The following ABCC4 variants were observed in gnomAD, a reference collection of about 807,000 sequenced individuals.
ABCC4 encodes the protein ATP binding cassette subfamily C member 4 (PEL blood group).
In ABCC4, 102 loss-of-function variants were observed where a neutral mutation model predicts 168.5. That is an observed-to-expected ratio of 0.61 (90% CI 0.52 to 0.71). The LOEUF is 0.71. Ranked by LOEUF, ABCC4 falls within the 30% of genes least tolerant of loss-of-function variation. The pLI, the probability that ABCC4 is intolerant of heterozygous loss-of-function variation, is 0.00. For missense variants in ABCC4, 1,402 were observed against 1,605.8 expected, an observed-to-expected ratio of 0.87 and a Z score of 2.17; for synonymous variants, 617 against 590.7, an observed-to-expected ratio of 1.04 and a Z score of -0.65.
At chr13:95,250,301 A>G (rs2040220534) in intron 1 of ABCC4, among the ~76,000 whole-genome samples, 1 of 151,930 alleles carries the variant, frequency 6.6e-6, no homozygotes, top group Non-Finnish European at 1.5e-5. Flanking sequence ...TCTCCCCCTT[A>G]TCTCCCACAA....
At chr13:95,294,043 C>T (rs983299612) in intron 1 of ABCC4, among the ~76,000 whole-genome samples, 4 of 152,020 alleles carry the variant, frequency 2.6e-5, no homozygotes, top group Admixed American at 6.6e-5. Context: ...GCCACTGTAT[C>T]GTGCAAATAA....
chr13:95,121,110 G>C (rs574274510), intron 19 of ABCC4, among the ~76,000 whole-genome samples: 1 of 152,294 alleles, frequency 6.6e-6, no homozygotes, highest in East Asian at 1.9e-4. Context: ...AAATGAGGCA[G>C]GGACAAGACA....
intron 1 of ABCC4, among the ~76,000 whole-genome samples, chr13:95,281,900 A>G (rs1380423603): frequency 6.6e-6 from 1 of 152,174 alleles, no homozygotes; most frequent in Non-Finnish European, 1.5e-5. Context: ...TGAGGTTAGG[A>G]GTTCGAGACC....
At chr13:95,044,214 A>G in intron 28 of ABCC4, 52 bp downstream of exon 28, 1 of 1,483,128 alleles carries the variant, frequency 6.7e-7, no homozygotes, top group Non-Finnish European at 9.1e-7. Flanking sequence ...CATGTTTCCC[A>G]TTTACACACT....
At chr13:95,129,786 G>C (rs1309127052) in intron 19 of ABCC4, among the ~76,000 whole-genome samples, 1 of 152,022 alleles carries the variant, frequency 6.6e-6, no homozygotes, top group African/African-American at 2.4e-5. Context: ...AATCTTAACA[G>C]AAAACAGGCC....
chr13:95,069,224 G>A (rs1184350704), intron 25 of ABCC4, among the ~76,000 whole-genome samples: 1 of 152,108 alleles, frequency 6.6e-6, no homozygotes, highest in African/African-American at 2.4e-5. Flanking sequence ...TTTTGTTACC[G>A]ATTTCTTTGT....
chr13:95,184,032 G>T (rs532889944), intron 11 of ABCC4, among the ~76,000 whole-genome samples: 1 of 152,340 alleles, frequency 6.6e-6, no homozygotes, highest in East Asian at 1.9e-4. Flanking sequence ...TGCACAGGGG[G>T]CCAGCAGTCC....
chr13:95,250,753 GTTTCTTT>G (rs2040232064), intron 1 of ABCC4, among the ~76,000 whole-genome samples: 3 of 114,238 alleles, frequency 2.6e-5, no homozygotes, highest in Non-Finnish European at 5.1e-5. Flanking sequence ...CTGAATACTG[GTTTCTTT>G]TTTTTTTTTT....
At position 95,186,696 on chromosome 13, in the gene ABCC4, C is replaced by T. The variant is rs1199449581; in HGVS notation, c.1545+5G>A. 1 of 1,610,442 alleles carries T rather than the reference C, an allele frequency of 6.2e-7. No individual in the cohort carries two copies. Among genetic ancestry groups the T allele is most frequent in the Non-Finnish European group, 8.5e-7 (1 of 1,177,732 alleles). On this transcript the variant is annotated splice_donor_5th_base_variant and intron_variant, in intron 11 of 30. Coordinates refer to ENST00000645237, the MANE Select transcript of ABCC4 (RefSeq NM_005845.5). Reference sequence around the variant, plus strand: ...AGTACATGAAATCCAAAAGTCATCACTCACCTTTTTCAGAGCACAAGCCTT... The same window carrying T: ...AGTACATGAAATCCAAAAGTCATCATTCACCTTTTTCAGAGCACAAGCCTT...
intron 8 of ABCC4, among the ~76,000 whole-genome samples, chr13:95,199,249 T>C (rs977305417): frequency 3.9e-5 from 6 of 152,342 alleles, no homozygotes; most frequent in African/African-American, 1.4e-4. Flanking sequence ...CCGATCAGTA[T>C]ATTGGGCAGA....
chr13:95,252,979 G>A (rs1360374538), intron 1 of ABCC4, among the ~76,000 whole-genome samples: 2 of 152,210 alleles, frequency 1.3e-5, no homozygotes, highest in Non-Finnish European at 2.9e-5. Flanking sequence ...AGTATCTGCT[G>A]TCTGGTGACC....
At chr13:95,109,090 G>A (rs1307815203) in intron 20 of ABCC4, among the ~76,000 whole-genome samples, 1 of 152,082 alleles carries the variant, frequency 6.6e-6, no homozygotes, top group African/African-American at 2.4e-5. Flanking sequence ...CTGATACCCA[G>A]TTAACTGCTC....
chr13:95,255,467 C>A (rs1040482374), intron 1 of ABCC4, among the ~76,000 whole-genome samples: 11 of 152,324 alleles, frequency 7.2e-5, no homozygotes, highest in African/African-American at 2.6e-4. Flanking sequence ...TCACCAGACA[C>A]AGGCATCGCT....
At chr13:95,244,670 A>AATC (rs1555336347) in intron 3 of ABCC4, among the ~76,000 whole-genome samples, 2,025 of 106,264 alleles carry the variant, frequency 0.019, 161 homozygotes, top group Non-Finnish European at 0.028. Flanking sequence ...AGAAAGAAAG[A>AATC]AATCATAGCA....
chr13:95,081,085 C>T (rs1037599323), intron 21 of ABCC4, among the ~76,000 whole-genome samples: 2 of 152,182 alleles, frequency 1.3e-5, no homozygotes, highest in African/African-American at 4.8e-5. Context: ...GAGAAAGAAT[C>T]CTGCATATTT....
chr13:95,176,729 G>A (rs2037717062), intron 13 of ABCC4, among the ~76,000 whole-genome samples: 1 of 152,074 alleles, frequency 6.6e-6, no homozygotes, highest in Admixed American at 6.5e-5. Flanking sequence ...GCATCTGCAG[G>A]AGCATCTACC....
At chr13:95,038,877 T>C (rs1434713986) in intron 29 of ABCC4, among the ~76,000 whole-genome samples, 3 of 151,922 alleles carry the variant, frequency 2.0e-5, no homozygotes, top group Non-Finnish European at 2.9e-5. Context: ...GAAGGAGGTA[T>C]AGGGATGCTA....
intron 20 of ABCC4, among the ~76,000 whole-genome samples, chr13:95,102,993 G>A (rs1467895279): frequency 2.0e-5 from 3 of 151,506 alleles, no homozygotes; most frequent in Admixed American, 6.6e-5. Context: ...TGGGCCGGGC[G>A]CAGTGGCTCA....
chr13:95,201,158 A>G (rs957660648), intron 8 of ABCC4, among the ~76,000 whole-genome samples: 8 of 152,234 alleles, frequency 5.3e-5, no homozygotes, highest in Non-Finnish European at 7.3e-5. Flanking sequence ...GCACCTTGCC[A>G]AAGTTAGCCA....
Sources: allele counts gnomAD v4.1 joint callset (sites outside exome capture counted in the v4.1 genomes callset), GRCh38; gene constraint gnomAD v4.1.1; transcripts MANE v1.5; gene names NCBI Gene and HGNC (gene_info 2026-07-23, HGNC 2026-07-21).